The following VWC2 variants were observed in gnomAD, a reference collection of about 807,000 sequenced individuals.
VWC2 encodes von Willebrand factor C domain containing 2, also known as brorin.
A neutral mutation model predicts 29.8 loss-of-function variants in VWC2; 14 were observed. The ratio of observed to expected loss-of-function variants is 0.47; its 90% CI spans 0.31 to 0.74. VWC2 has a LOEUF of 0.74. Ranked by LOEUF, VWC2 falls within the 30% of genes least tolerant of loss-of-function variation. The probability of loss-of-function intolerance (pLI) is 0.05; values close to 1 mark genes in which losing one functional copy is unlikely to be tolerated. For synonymous variants in VWC2, 213 were observed against 199.0 expected (o/e 1.07, Z -0.59); for missense variants, 457 against 459.8 (o/e 0.99, Z 0.05).
chr7:49,864,018 T>C (rs1790780175), intron 3 of VWC2, among the ~76,000 whole-genome samples: 1 of 152,202 alleles, frequency 6.6e-6, no homozygotes, highest in Non-Finnish European at 1.5e-5. Flanking sequence ...ATATTGTTTA[T>C]TATAGTGTGG....
rs1190560302 is a variant in VWC2 at position 49,826,778 on chromosome 7, T to C, written c.826+23938T>C. Among the ~76,000 whole-genome samples, 3 of 152,304 alleles carry C rather than the reference T, an allele frequency of 2.0e-5. No individual in the cohort carries two copies. In the East Asian group the frequency reaches 5.8e-4, roughly 29 times the overall value. On this transcript the variant is annotated intron_variant, in intron 3 of 3. Coordinates refer to ENST00000340652, the MANE Select transcript of VWC2 (RefSeq NM_198570.5). ...ATTTCTTATATGTTTAACTGATGTT[T>C]CAAATGTTTGAAAATATTATCACAA...
chr7:49,785,374 C>T (rs1452076580), intron 2 of VWC2, among the ~76,000 whole-genome samples: 1 of 152,004 alleles, frequency 6.6e-6, no homozygotes, highest in Admixed American at 6.6e-5. Context: ...TTAGATAGTT[C>T]CAAGAGACGG....
chr7:49,816,888 C>T (rs545736749), intron 3 of VWC2, among the ~76,000 whole-genome samples: 2 of 152,212 alleles, frequency 1.3e-5, no homozygotes, highest in African/African-American at 4.8e-5. Context: ...ATCTTCCATT[C>T]ATTCCCTGTG....
At chr7:49,865,561 C>G (rs764158883) in intron 3 of VWC2, among the ~76,000 whole-genome samples, 3 of 152,208 alleles carry the variant, frequency 2.0e-5, no homozygotes, top group Non-Finnish European at 4.4e-5. Flanking sequence ...TAATCCTCCA[C>G]ATAGTGGGCT....
chr7:49,844,974 C>A (rs1789889527), intron 3 of VWC2, among the ~76,000 whole-genome samples: 1 of 152,214 alleles, frequency 6.6e-6, no homozygotes, highest in Non-Finnish European at 1.5e-5. Context: ...GCAGCCACCG[C>A]ACCCGGCCGG....
intron 3 of VWC2, among the ~76,000 whole-genome samples, chr7:49,803,544 C>T (rs1157421606): frequency 3.3e-5 from 5 of 152,172 alleles, no homozygotes; most frequent in Non-Finnish European, 7.3e-5. Context: ...ACAGAGGGGA[C>T]ACAGCCGGAG....
intron 3 of VWC2, among the ~76,000 whole-genome samples, chr7:49,824,724 C>T (rs138789485): frequency 3.6e-4 from 55 of 152,196 alleles, no homozygotes; most frequent in African/African-American, 1.2e-3. Context: ...TTTAAAATTT[C>T]TCTCAGTAAT....
At chr7:49,848,023 G>A (rs1261992052) in intron 3 of VWC2, among the ~76,000 whole-genome samples, 1 of 152,212 alleles carries the variant, frequency 6.6e-6, no homozygotes, top group African/African-American at 2.4e-5. Context: ...AGCACAGCAT[G>A]TTGCTTCCAC....
At chr7:49,889,530 C>T (rs961579681) in intron 3 of VWC2, among the ~76,000 whole-genome samples, 3 of 152,068 alleles carry the variant, frequency 2.0e-5, no homozygotes, top group Admixed American at 6.5e-5. Context: ...GAAGGAGTCC[C>T]GGGAGCTAGA....
chr7:49,817,884 T>C (rs1789182802), intron 3 of VWC2, among the ~76,000 whole-genome samples: 1 of 152,220 alleles, frequency 6.6e-6, no homozygotes, highest in South Asian at 2.1e-4. Context: ...AATTCATTAA[T>C]TAGGAAAACA....
chr7:49,788,722 T>TG (rs1788366487), intron 2 of VWC2, among the ~76,000 whole-genome samples: 1 of 124,856 alleles, frequency 8.0e-6, no homozygotes, highest in African/African-American at 3.4e-5. Context: ...TGTATGGGTG[T>TG]GGGGTGTGTG....
At chr7:49,855,069 G>A (rs1054928698) in intron 3 of VWC2, among the ~76,000 whole-genome samples, 14 of 152,102 alleles carry the variant, frequency 9.2e-5, no homozygotes, top group African/African-American at 7.2e-5. Context: ...TTTGAAAATC[G>A]AAAAATAAAT....
At chr7:49,878,557 A>G (rs1791540467) in intron 3 of VWC2, among the ~76,000 whole-genome samples, 1 of 152,156 alleles carries the variant, frequency 6.6e-6, no homozygotes, top group South Asian at 2.1e-4. Context: ...CCCAGCTCTC[A>G]ACGCTCGGTC....
chr7:49,795,372 G>A (rs1788565518), intron 2 of VWC2, among the ~76,000 whole-genome samples: 1 of 152,208 alleles, frequency 6.6e-6, no homozygotes, highest in Non-Finnish European at 1.5e-5. Flanking sequence ...GGAGTGTGGT[G>A]TGCAGCTGTA....
chr7:49,779,570 C>T (rs1788130111), intron 2 of VWC2, among the ~76,000 whole-genome samples: 1 of 146,874 alleles, frequency 6.8e-6, no homozygotes, highest in Admixed American at 6.7e-5. Flanking sequence ...AATAAGGAAA[C>T]TTGTCTATTG....
intron 3 of VWC2, among the ~76,000 whole-genome samples, chr7:49,896,922 T>C (rs1792414154): frequency 1.4e-5 from 2 of 143,184 alleles, no homozygotes; most frequent in South Asian, 4.4e-4. Context: ...GGAGTCTCGC[T>C]CTGTCGCCCA....
chr7:49,815,638 T>A (rs1789123606), intron 3 of VWC2, among the ~76,000 whole-genome samples: 1 of 152,236 alleles, frequency 6.6e-6, no homozygotes, highest in African/African-American at 2.4e-5. Context: ...AAATGGTTCT[T>A]AATAACTGAA....
At chr7:49,799,838 A>G (rs1447229894) in intron 2 of VWC2, among the ~76,000 whole-genome samples, 2 of 152,198 alleles carry the variant, frequency 1.3e-5, no homozygotes, top group Admixed American at 6.5e-5. Context: ...GGTATAGCCT[A>G]TTGCTCCCAA....
At chr7:49,912,003 A>G in intron 3 of VWC2, 31 bp from the exon 4 acceptor site, 2 of 1,602,330 alleles carry the variant, frequency 1.2e-6, no homozygotes, top group Non-Finnish European at 1.7e-6. Context: ...TTATGCACAC[A>G]TATAGTATAA....
Sources: allele counts gnomAD v4.1 joint callset (sites outside exome capture counted in the v4.1 genomes callset), GRCh38; gene constraint gnomAD v4.1.1; transcripts MANE v1.5; gene names NCBI Gene and HGNC (gene_info 2026-07-23, HGNC 2026-07-21).